PEX14: variants seen among roughly 807,000 people sequenced by gnomAD.
PEX14 encodes peroxisomal biogenesis factor 14.
In PEX14, 15 loss-of-function variants were observed where a neutral mutation model predicts 49.5. That is an observed-to-expected ratio of 0.30 (90% confidence interval 0.20 to 0.47). PEX14 has a LOEUF of 0.47. PEX14 is among the 20% of genes least tolerant of loss of function. PEX14 has a pLI of 1.00. For synonymous variants in PEX14, 210 were observed against 212.7 expected, an observed-to-expected ratio of 0.99 and a Z score of 0.11; for missense variants, 398 against 494.8, an observed-to-expected ratio of 0.80 and a Z score of 1.86.
rs1331530449 is a variant in PEX14 at position 10,629,462 on chromosome 1, A to T, written c.678-69A>T. On this transcript the variant is annotated intron_variant, in intron 8 of 8. Transcript: ENST00000356607. This position sits in a 1 kb window ranked among gnomAD's most constrained non-coding sequence, Gnocchi z 8.5. ...TCGCCGAGCCCTTGCGGGTCAGGGA[A>T]GGCGTGGCCCTTCGAAGGGGGGCGT... The T allele has an allele frequency of 6.6e-6, 7 of 1,068,132 alleles. No individual in the cohort carries two copies. The highest frequency in any genetic ancestry group is 8.6e-6 in the Non-Finnish European group (6 of 695,792). The allele number at this position is 1,068,132 out of a possible 1,614,324, so 66.2% of individuals were successfully genotyped here.
Position 10,536,246 on chromosome 1 carries a change from C to T in PEX14, c.118C>T (p.Arg40Trp), listed in dbSNP as rs770183471. 2.4e-5 allele frequency: 38 copies of T among 1,612,066 alleles called. 1 individual carries two copies. Among genetic ancestry groups the T allele is most frequent in the Non-Finnish European group, 2.6e-5 (31 of 1,178,360 alleles). The change falls in exon 3 of 9, where the codon CGG (arginine) becomes TGG (tryptophan). Residue 40 changes from arginine to tryptophan, a missense_variant. This residue lies in a region of PEX14 where 202 missense variants were observed against 298.5 expected (regional missense o/e 0.68). Transcript: ENST00000356607. Reference sequence around the variant, plus strand: ...GGCAGTGAAGTTTCTACAGAATTCCCGGGTCCGCCAGAGCCCACTTGCAAC... The same window carrying T: ...GGCAGTGAAGTTTCTACAGAATTCCTGGGTCCGCCAGAGCCCACTTGCAAC... The part of the protein sequence containing the change: ...ATAVKFLQNS[R>W]VRQSPLATRR...
rs1438218316 is a variant in PEX14 at position 10,623,991 on chromosome 1, T to C, written c.488-349T>C. On this transcript the variant is annotated intron_variant, in intron 6 of 8. Coordinates refer to ENST00000356607, the MANE Select transcript of PEX14 (RefSeq NM_004565.3). This position sits in a 1 kb window ranked among gnomAD's most constrained non-coding sequence, Gnocchi z 4.4. ...CCCAGCATTGGAGACCCCAGGAGTT[T>C]CACAAGGACACTGAGGCCCAGGAGA... Among the ~76,000 whole-genome samples, 2 of 152,104 alleles carry C rather than the reference T, an allele frequency of 1.3e-5. No homozygotes were observed. Among genetic ancestry groups the C allele is most frequent in the African/African-American group, 4.8e-5 (2 of 41,414 alleles).
intron 2 of PEX14, among the ~76,000 whole-genome samples, chr1:10,513,854 T>C (rs1488671705): frequency 2.0e-5 from 3 of 152,182 alleles, no homozygotes; most frequent in African/African-American, 7.2e-5. Context: ...TCATATTGAC[T>C]GTTACAGAAA....
At chr1:10,536,396 T>C (rs1638804436) in intron 3 of PEX14, 99 bp downstream of exon 3, 12 of 792,554 alleles carry the variant, frequency 1.5e-5, no homozygotes, top group South Asian at 1.4e-4. Context: ...CTGCCAGGAC[T>C]TCCTAGAGCT....
intron 2 of PEX14, among the ~76,000 whole-genome samples, chr1:10,506,772 T>C (rs1050997625): frequency 6.6e-6 from 1 of 152,238 alleles, no homozygotes; most frequent in African/African-American, 2.4e-5. Flanking sequence ...CTTGAAGTTC[T>C]TACTTTGCTT....
At position 10,558,747 on chromosome 1, in the gene PEX14, A is replaced by AG. The variant is rs1446779371; in HGVS notation, c.169+22450_169+22451insG. On this transcript the variant is annotated intron_variant, in intron 3 of 8. Coordinates refer to ENST00000356607, the MANE Select transcript of PEX14 (RefSeq NM_004565.3). ...ATGAGACCCTGTCTCAAAAAAAAAAAAAAAAAAAAGAAAGAAAGAAATTAC... is the reference window on the plus strand; with the variant it reads ...ATGAGACCCTGTCTCAAAAAAAAAAAGAAAAAAAAAGAAAGAAAGAAATTAC... Among the ~76,000 whole-genome samples, 65 of 142,452 alleles carry AG rather than the reference A, an allele frequency of 4.6e-4. No homozygotes were observed. The South Asian group carries it at 8.8e-3, about 19-fold the overall frequency. 93.5% of individuals were successfully genotyped at this position (142,452 alleles called of 152,430 possible).
chr1:10,532,130 C>T (rs932194604), intron 2 of PEX14, among the ~76,000 whole-genome samples: 2 of 152,142 alleles, frequency 1.3e-5, no homozygotes, highest in South Asian at 2.1e-4. Flanking sequence ...CTCAATTGGC[C>T]AGTCATCTTA....
chr1:10,516,490 G>A (rs1275279951), intron 2 of PEX14, among the ~76,000 whole-genome samples: 4 of 152,202 alleles, frequency 2.6e-5, no homozygotes, highest in African/African-American at 4.8e-5. Flanking sequence ...TGCCAGGTCC[G>A]TGGGAGTCTT....
intron 4 of PEX14, among the ~76,000 whole-genome samples, chr1:10,606,386 C>T (rs1641126874): frequency 6.6e-6 from 1 of 152,244 alleles, no homozygotes; most frequent in South Asian, 2.1e-4. Flanking sequence ...GTCCCTTCCA[C>T]TTTCTCCCCA....
At chr1:10,511,499 A>G (rs1417058982) in intron 2 of PEX14, among the ~76,000 whole-genome samples, 5 of 152,206 alleles carry the variant, frequency 3.3e-5, no homozygotes, top group African/African-American at 1.2e-4. Flanking sequence ...GGAAATGACC[A>G]TGCACATCAG....
At chr1:10,621,648 A>G (rs1356644700) in intron 5 of PEX14, among the ~76,000 whole-genome samples, 2 of 152,122 alleles carry the variant, frequency 1.3e-5, no homozygotes, top group Non-Finnish European at 2.9e-5. Flanking sequence ...CCCGGCCAAG[A>G]ATTCTTTACC....
At chr1:10,481,066 A>G (rs1378747027) in intron 1 of PEX14, among the ~76,000 whole-genome samples, 4 of 152,080 alleles carry the variant, frequency 2.6e-5, no homozygotes, top group Non-Finnish European at 4.4e-5. Flanking sequence ...CACTTAAAAA[A>G]AATCAGAATC....
At chr1:10,617,869 C>T (rs911253055) in intron 4 of PEX14, among the ~76,000 whole-genome samples, 1 of 152,178 alleles carries the variant, frequency 6.6e-6, no homozygotes, top group Non-Finnish European at 1.5e-5. Flanking sequence ...CACGGTCCCC[C>T]TCTCCACTTC....
At chr1:10,603,717 G>A (rs1641049731) in intron 4 of PEX14, among the ~76,000 whole-genome samples, 1 of 152,218 alleles carries the variant, frequency 6.6e-6, no homozygotes. Context: ...AAGCTGATTT[G>A]TCTTCGTCCT....
Position 10,628,588 on chromosome 1 carries a change from A to G in PEX14, c.678-943A>G, listed in dbSNP as rs1641817901. On this transcript the variant is annotated intron_variant, in intron 8 of 8. Coordinates refer to ENST00000356607, the MANE Select transcript of PEX14 (RefSeq NM_004565.3). The surrounding 1 kb of genome is among the most constrained non-coding windows in gnomAD (Gnocchi z 4.5). ...TAGGAGACAGCCTCCATTTTCCCTAACCGAGACCAGTGCCTTGGAGGCTGG... is the reference window on the plus strand; with the variant it reads ...TAGGAGACAGCCTCCATTTTCCCTAGCCGAGACCAGTGCCTTGGAGGCTGG... Among the ~76,000 whole-genome samples, 1 of 152,228 alleles carries G rather than the reference A, an allele frequency of 6.6e-6. No individual in the cohort carries two copies. Among genetic ancestry groups the G allele is most frequent in the South Asian group, 2.1e-4 (1 of 4,830 alleles).
At chr1:10,592,778 C>T (rs552248759) in intron 3 of PEX14, among the ~76,000 whole-genome samples, 1 of 152,342 alleles carries the variant, frequency 6.6e-6, no homozygotes, top group South Asian at 2.1e-4. Flanking sequence ...GTGAACCCAG[C>T]CTGTCTGCTT....
chr1:10,504,874 C>T (rs2124423505), intron 2 of PEX14, among the ~76,000 whole-genome samples: 1 of 152,110 alleles, frequency 6.6e-6, no homozygotes, highest in Middle Eastern at 3.4e-3. Flanking sequence ...GCAACCTCCG[C>T]CTCCCAGGGT....
At chr1:10,609,128 T>C (rs1641205206) in intron 4 of PEX14, among the ~76,000 whole-genome samples, 1 of 152,238 alleles carries the variant, frequency 6.6e-6, no homozygotes, top group Admixed American at 6.5e-5. Context: ...TATTCTGTTG[T>C]CTGGTTGTAC....
At chr1:10,536,132 G>A in intron 2 of PEX14, 81 bp from the exon 3 acceptor site, 6 of 903,218 alleles carry the variant, frequency 6.6e-6, no homozygotes, top group Non-Finnish European at 9.4e-6. Flanking sequence ...TGTGGAGCTG[G>A]GAAAAACTCC....
Sources: gnomAD v4.1 joint callset for allele counts (sites outside exome capture counted in the v4.1 genomes callset) on GRCh38, gnomAD v4.1.1 for gene constraint, gnomAD v4.1.1 regional missense constraint, Gnocchi (gnomAD v3.1) non-coding constraint, MANE v1.5 for transcripts, NCBI Gene and HGNC (gene_info 2026-07-23, HGNC 2026-07-21) for gene names.